FER: variants seen among roughly 807,000 people sequenced by gnomAD.
The protein encoded by FER is tyrosine-protein kinase Fer.
A neutral mutation model predicts 111.0 loss-of-function variants in FER; 63 were observed. That is an observed-to-expected ratio of 0.57 (90% CI 0.46 to 0.70). The LOEUF (loss-of-function observed/expected upper bound fraction) is 0.70. Ranked by LOEUF, FER falls within the 30% of genes least tolerant of loss-of-function variation. The pLI is 0.00. For missense variants in FER, 914 were observed against 954.0 expected (o/e 0.96, Z 0.55); for synonymous variants, 327 against 313.9 (o/e 1.04, Z -0.44).
At chr5:109,055,851 C>CAAA (rs373320956) in intron 16 of FER, among the ~76,000 whole-genome samples, 5,742 of 92,130 alleles carry the variant, frequency 0.062, 188 homozygotes, top group South Asian at 0.11. Context: ...AACATTGTCT[C>CAAA]AAAAAAAAAA....
At chr5:108,831,409 T>C (rs1043674674) in intron 3 of FER, among the ~76,000 whole-genome samples, 22 of 152,138 alleles carry the variant, frequency 1.4e-4, no homozygotes, top group African/African-American at 5.3e-4. Flanking sequence ...GTTTATATAG[T>C]TTTATACTGT....
At chr5:108,871,908 G>T (rs1178383920) in intron 7 of FER, among the ~76,000 whole-genome samples, 185 bp from the exon 8 acceptor site, 4 of 151,984 alleles carry the variant, frequency 2.6e-5, no homozygotes, top group African/African-American at 9.7e-5. Context: ...GAATTCTACA[G>T]ATAAGGAATC....
chr5:109,141,841 C>T (rs1374771592), intron 17 of FER, among the ~76,000 whole-genome samples: 1 of 152,172 alleles, frequency 6.6e-6, no homozygotes, highest in Non-Finnish European at 1.5e-5. Context: ...AATATAACTA[C>T]CAAACTTCCA....
chr5:109,145,463 A>G (rs964820821), intron 17 of FER, among the ~76,000 whole-genome samples: 2 of 151,856 alleles, frequency 1.3e-5, no homozygotes, highest in African/African-American at 4.8e-5. Context: ...AGTGTTTTAT[A>G]TTTTCTTTAC....
rs2126897623 is a variant in FER, at chr5:109,189,014, C to G, written c.*1439C>G. 6.6e-6 allele frequency: 1 copy of G among 152,324 alleles called. No homozygotes were observed. Among genetic ancestry groups the G allele is most frequent in the East Asian group, 1.9e-4 (1 of 5,188 alleles). 9.4% of individuals were successfully genotyped at this position (152,324 alleles called of 1,614,324 possible). On this transcript the variant is annotated 3_prime_UTR_variant, in exon 20 of 20. Transcript: ENST00000281092. The stretch of plus-strand genomic sequence containing the variant: ...TGAGAAATATGACATAGGGACAGCC[C>G]TCCCATTTCTACTTCCACCTTCATT...
Position 109,191,877 on chromosome 5 carries a change from C to A in FER, c.*4302C>A, listed in dbSNP as rs1241294317. ...CAGGATTTCATGTACCAAGAATGACCTACTTGAAGGAGATTTTGCTACACT... is the reference window on the plus strand; with the variant it reads ...CAGGATTTCATGTACCAAGAATGACATACTTGAAGGAGATTTTGCTACACT... On this transcript the variant is annotated 3_prime_UTR_variant, in exon 20 of 20. Transcript: ENST00000281092. The A allele has an allele frequency of 1.3e-5, 2 of 151,974 alleles. No individual in the cohort carries two copies. Among genetic ancestry groups the A allele is most frequent in the East Asian group, 3.9e-4 (2 of 5,174 alleles). The allele number at this position is 151,974 out of a possible 1,614,324, so 9.4% of individuals were successfully genotyped here.
chr5:109,121,834 G>T (rs575768226), intron 17 of FER, among the ~76,000 whole-genome samples: 2 of 152,020 alleles, frequency 1.3e-5, no homozygotes, highest in South Asian at 2.1e-4. Context: ...TAGGTTTTAT[G>T]TGTCTAGGAA....
chr5:109,132,365 G>T (rs1220864478), intron 17 of FER, among the ~76,000 whole-genome samples: 1 of 152,166 alleles, frequency 6.6e-6, no homozygotes, highest in African/African-American at 2.4e-5. Context: ...TCTATTGAGT[G>T]CTTACTATGT....
intron 8 of FER, among the ~76,000 whole-genome samples, chr5:108,874,908 A>T (rs1369668351): frequency 6.6e-6 from 1 of 152,186 alleles, no homozygotes; most frequent in Non-Finnish European, 1.5e-5. Flanking sequence ...TAAAGTACAG[A>T]TATATAAGCC....
chr5:109,036,234 A>C (rs1007929031), intron 13 of FER, among the ~76,000 whole-genome samples: 1 of 152,038 alleles, frequency 6.6e-6, no homozygotes, highest in African/African-American at 2.4e-5. Context: ...CCACTTGATC[A>C]TGACGTTATC....
At chr5:108,864,952 A>G (rs1381820654) in intron 5 of FER, among the ~76,000 whole-genome samples, 1 of 151,944 alleles carries the variant, frequency 6.6e-6, no homozygotes, top group Non-Finnish European at 1.5e-5. Flanking sequence ...CTTGGGCAGT[A>G]TGGCCATTTT....
intron 5 of FER, among the ~76,000 whole-genome samples, chr5:108,847,964 T>C (rs1196410715): frequency 1.3e-5 from 2 of 152,144 alleles, no homozygotes; most frequent in African/African-American, 4.8e-5. Flanking sequence ...CATAGCTCGC[T>C]GCAGCCTCGA....
intron 3 of FER, among the ~76,000 whole-genome samples, chr5:108,817,012 G>A (rs1308534886): frequency 6.8e-6 from 1 of 146,054 alleles, no homozygotes; most frequent in East Asian, 2.2e-4. Flanking sequence ...GCTGAGGTGG[G>A]AGGATCACTT....
chr5:108,808,308 T>C (rs1015116608), intron 3 of FER, among the ~76,000 whole-genome samples: 1 of 152,152 alleles, frequency 6.6e-6, no homozygotes, highest in African/African-American at 2.4e-5. Flanking sequence ...ATATTAAATA[T>C]AAGTTAAGTC....
intron 13 of FER, among the ~76,000 whole-genome samples, chr5:109,011,108 A>C (rs529699096): frequency 6.6e-6 from 1 of 152,206 alleles, no homozygotes; most frequent in South Asian, 2.1e-4. Context: ...CATTTTAAGC[A>C]TGTTTTTTAA....
At chr5:109,119,864 G>C (rs563450015) in intron 17 of FER, among the ~76,000 whole-genome samples, 1 of 152,160 alleles carries the variant, frequency 6.6e-6, no homozygotes, top group Admixed American at 6.5e-5. Flanking sequence ...GCATTTCTCT[G>C]ATGGTCAGTG....
Position 108,898,146 on chromosome 5 carries a change from C to A in FER, c.1236+298C>A, listed in dbSNP as rs184844052. On this transcript the variant is annotated intron_variant, in intron 10 of 19. Coordinates refer to ENST00000281092, the MANE Select transcript of FER (RefSeq NM_005246.4). ...GACAGCAGGAAGGTAGGGTCTTATT[C>A]TTAAGAGAGAAGTAAGCAATAAGAA... 1.4e-3 allele frequency among the ~76,000 whole-genome samples: 209 copies of A among 152,118 alleles called. 2 individuals are homozygous for A. The highest frequency in any genetic ancestry group is 4.9e-3 in the African/African-American group (204 of 41,504).
chr5:109,160,893 C>G (rs1348973451), intron 17 of FER, among the ~76,000 whole-genome samples: 1 of 152,162 alleles, frequency 6.6e-6, no homozygotes, highest in Non-Finnish European at 1.5e-5. Context: ...TCTTGGGAAT[C>G]TGAAAGACTG....
At chr5:109,009,044 C>CTTTTTTTTTTTTT (rs1030906789) in intron 13 of FER, among the ~76,000 whole-genome samples, 1 of 116,014 alleles carries the variant, frequency 8.6e-6, no homozygotes, top group African/African-American at 3.3e-5. Flanking sequence ...CCTCTTCAGT[C>CTTTTTTTTTTTTT]TTTTTTTTTT....
Sources: gnomAD v4.1 joint callset for allele counts (sites outside exome capture counted in the v4.1 genomes callset) on GRCh38, gnomAD v4.1.1 for gene constraint, MANE v1.5 for transcripts, NCBI Gene and HGNC (gene_info 2026-07-23, HGNC 2026-07-21) for gene names.